AGBL4: variants seen among roughly 807,000 people sequenced by gnomAD.
AGBL4 encodes cytosolic carboxypeptidase 6.
A neutral mutation model predicts 66.4 loss-of-function variants in AGBL4; 58 were observed. The observed-to-expected ratio is 0.87, with a 90% CI of 0.71 to 1.09. The LOEUF (loss-of-function observed/expected upper bound fraction) is 1.09, where lower values mean the gene tolerates loss of function less well. Among genes scored for constraint, AGBL4 ranks in the 50% least tolerant of loss-of-function variants. The pLI, the probability that AGBL4 is intolerant of heterozygous loss-of-function variation, is 0.00. For synonymous variants in AGBL4, 234 were observed against 222.9 expected (o/e 1.05, Z -0.44); for missense variants, 579 against 631.0 (o/e 0.92, Z 0.88).
intron 2 of AGBL4, among the ~76,000 whole-genome samples, chr1:49,699,158 C>G (rs929720231): frequency 2.0e-5 from 3 of 152,032 alleles, no homozygotes; most frequent in Admixed American, 6.6e-5. Flanking sequence ...TCAAAAGGCA[C>G]TATGCTTTGT....
Position 48,533,293 on chromosome 1 carries a change from C to T in AGBL4, c.*880G>A, listed in dbSNP as rs527720411. Reference sequence around the variant, plus strand: ...AAAAATGCCAATATTTAGCTTGCCACACCTTGGGAATTGCTACTACTGTTT... The same window carrying T: ...AAAAATGCCAATATTTAGCTTGCCATACCTTGGGAATTGCTACTACTGTTT... On this transcript the variant is annotated 3_prime_UTR_variant, in exon 14 of 14. Coordinates refer to ENST00000371839, the MANE Select transcript of AGBL4 (RefSeq NM_032785.4). The T allele has an allele frequency of 1.3e-5, 2 of 152,310 alleles. No homozygotes were observed. The highest frequency in any genetic ancestry group is 3.9e-4 in the East Asian group (2 of 5,168). The allele number at this position is 152,310 out of a possible 1,614,324, so 9.4% of individuals were successfully genotyped here.
chr1:48,901,703 C>G (rs1652095980), intron 5 of AGBL4, among the ~76,000 whole-genome samples: 1 of 151,882 alleles, frequency 6.6e-6, no homozygotes, highest in Non-Finnish European at 1.5e-5. Context: ...AAAATGCAAA[C>G]TATAGTGACA....
chr1:49,639,958 A>G (rs1285268057), intron 3 of AGBL4, among the ~76,000 whole-genome samples: 1 of 152,146 alleles, frequency 6.6e-6, no homozygotes, highest in Non-Finnish European at 1.5e-5. Context: ...CACAGTATGA[A>G]AAGATGTCAG....
At chr1:49,038,645 A>ACATAAATC (rs1428960277) in intron 5 of AGBL4, among the ~76,000 whole-genome samples, 1 of 152,134 alleles carries the variant, frequency 6.6e-6, no homozygotes, top group Non-Finnish European at 1.5e-5. Flanking sequence ...CGAAACAACA[A>ACATAAATC]TGAGATACAG....
chr1:49,092,347 C>G (rs1645017729), intron 4 of AGBL4, among the ~76,000 whole-genome samples: 1 of 152,084 alleles, frequency 6.6e-6, no homozygotes, highest in Non-Finnish European at 1.5e-5. Flanking sequence ...CAAGGCAAGT[C>G]CAGAAAATGT....
intron 1 of AGBL4, among the ~76,000 whole-genome samples, chr1:49,960,407 C>T (rs758792290): frequency 6.6e-5 from 10 of 151,954 alleles, no homozygotes; most frequent in African/African-American, 1.2e-4. Flanking sequence ...AGTTACTATA[C>T]GCTGGTAAGG....
chr1:48,901,116 G>GA (rs2148868880), intron 5 of AGBL4, among the ~76,000 whole-genome samples: 2 of 152,236 alleles, frequency 1.3e-5, no homozygotes, highest in South Asian at 4.2e-4. Context: ...AAGCACATAA[G>GA]AAAGGCTCAA....
At chr1:49,573,841 G>A (rs1571079723) in intron 3 of AGBL4, among the ~76,000 whole-genome samples, 1 of 152,184 alleles carries the variant, frequency 6.6e-6, no homozygotes, top group East Asian at 1.9e-4. Context: ...CCCTGATGAA[G>A]CTGGGGACAC....
intron 3 of AGBL4, among the ~76,000 whole-genome samples, chr1:49,343,790 A>T (rs1330299118): frequency 6.6e-6 from 1 of 152,214 alleles, no homozygotes; most frequent in Non-Finnish European, 1.5e-5. Context: ...TATGTGAATG[A>T]GCTCTGATTA....
intron 11 of AGBL4, among the ~76,000 whole-genome samples, chr1:48,559,060 G>A (rs778855800): frequency 1.9e-4 from 29 of 152,112 alleles, no homozygotes; most frequent in Non-Finnish European, 4.3e-4. Context: ...CCGGGATAGG[G>A]TCATAGAATA....
At chr1:48,995,747 T>C (rs1296638522) in intron 5 of AGBL4, among the ~76,000 whole-genome samples, 2 of 152,124 alleles carry the variant, frequency 1.3e-5, no homozygotes, top group African/African-American at 2.4e-5. Flanking sequence ...AAGGTCATAA[T>C]AGCTAGACCA....
At chr1:48,795,400 C>G (rs1292718430) in intron 6 of AGBL4, among the ~76,000 whole-genome samples, 1 of 152,096 alleles carries the variant, frequency 6.6e-6, no homozygotes, top group Non-Finnish European at 1.5e-5. Context: ...CCCCCTCCCC[C>G]TTTTCCTCAA....
intron 5 of AGBL4, among the ~76,000 whole-genome samples, chr1:48,968,020 G>C (rs574968129): frequency 6.6e-6 from 1 of 152,082 alleles, no homozygotes; most frequent in East Asian, 1.9e-4. Context: ...TTGTCTTGAT[G>C]GCCTTTGTTT....
intron 3 of AGBL4, chr1:49,266,011 G>T (rs991023745): frequency 6.6e-6 from 1 of 152,064 alleles, no homozygotes; most frequent in African/African-American, 2.4e-5. Context: ...CATGGAGTCT[G>T]GATAATCACT....
rs114352228 is a variant in AGBL4 at position 48,701,118 on chromosome 1, C to T, written c.635-37877G>A. On this transcript the variant is annotated intron_variant, in intron 6 of 13. Coordinates refer to ENST00000371839, the MANE Select transcript of AGBL4 (RefSeq NM_032785.4). ...ATCTCCCCATGACCCTCTGGCCACA[C>T]CTGCATCTTTGCTCAAGCTGCCTCC... Among the ~76,000 whole-genome samples the T allele has an allele frequency of 9.2e-3, 1,395 of 152,178 alleles. 26 individuals are homozygous for T. The highest frequency in any genetic ancestry group is 0.032 in the African/African-American group (1,339 of 41,506).
chr1:49,258,852 T>G (rs1019163245), intron 3 of AGBL4, among the ~76,000 whole-genome samples: 1 of 152,020 alleles, frequency 6.6e-6, no homozygotes, highest in African/African-American at 2.4e-5. Context: ...GACACATAAT[T>G]GTCAGATTCA....
chr1:48,667,079 G>A (rs1646200085), intron 6 of AGBL4, among the ~76,000 whole-genome samples: 1 of 152,072 alleles, frequency 6.6e-6, no homozygotes, highest in Non-Finnish European at 1.5e-5. Context: ...ATTGACTTTT[G>A]GAGATTAAAA....
At chr1:48,655,412 A>G (rs59836162) in intron 7 of AGBL4, among the ~76,000 whole-genome samples, 20,685 of 152,166 alleles carry the variant, frequency 0.14, 2,670 homozygotes, top group African/African-American at 0.34. Context: ...CTGGCCAAAG[A>G]CCAAAAGCAC....
chr1:48,640,163 A>G (rs1248006638), intron 8 of AGBL4, among the ~76,000 whole-genome samples: 1 of 152,348 alleles, frequency 6.6e-6, no homozygotes, highest in South Asian at 2.1e-4. Context: ...CCAGTGGGAA[A>G]GAATCTTTCA....
Sources: allele counts gnomAD v4.1 joint callset (sites outside exome capture counted in the v4.1 genomes callset), GRCh38; gene constraint gnomAD v4.1.1; transcripts MANE v1.5; gene names NCBI Gene and HGNC (gene_info 2026-07-23, HGNC 2026-07-21).